Variants in PDE4D observed in about 807,000 individuals in gnomAD.
PDE4D encodes phosphodiesterase 4D.
In PDE4D, 24 loss-of-function variants were observed where a neutral mutation model predicts 87.4. The ratio of observed to expected loss-of-function variants is 0.27; its 90% CI spans 0.20 to 0.39. The LOEUF is 0.39. Ranked by LOEUF, PDE4D falls within the 10% of genes least tolerant of loss-of-function variation. PDE4D has a pLI of 1.00. For missense variants in PDE4D, 714 were observed against 1,041.0 expected (o/e 0.69, Z 4.32); for synonymous variants, 384 against 383.2 (o/e 1.00, Z -0.02).
chr5:59,550,221 C>A lies in PDE4D; in HGVS notation c.456-334253G>T, dbSNP rs541327775. 9.9e-4 allele frequency among the ~76,000 whole-genome samples: 150 copies of A among 151,926 alleles called. 1 individual carries two copies. The highest frequency in any genetic ancestry group is 3.0e-3 in the African/African-American group (124 of 41,436). ...AAAAATTATCCTTATGCATCAGTAT[C>A]CTATCATACACATTTACCTTGATAA... On this transcript the variant is annotated intron_variant, in intron 1 of 14. Transcript: ENST00000340635.
chr5:60,051,490 G>C (rs1770146698), intron 2 of PDE4D, among the ~76,000 whole-genome samples: 1 of 152,282 alleles, frequency 6.6e-6, no homozygotes, highest in Middle Eastern at 3.4e-3. Context: ...TGAAACCAGT[G>C]AGAACAAAGA....
At chr5:60,388,763 G>T (rs989458236) in intron 1 of PDE4D, among the ~76,000 whole-genome samples, 1 of 152,186 alleles carries the variant, frequency 6.6e-6, no homozygotes, top group African/African-American at 2.4e-5. Flanking sequence ...TCCGTTTCCT[G>T]AGGCCTAAAG....
intron 1 of PDE4D, among the ~76,000 whole-genome samples, chr5:60,351,793 A>G (rs1759221580): frequency 7.6e-6 from 1 of 132,424 alleles, no homozygotes; most frequent in African/African-American, 4.1e-5. Context: ...TTATTTATTT[A>G]TTTATTTATT....
intron 1 of PDE4D, among the ~76,000 whole-genome samples, chr5:59,246,360 G>A (rs1341099278): frequency 1.3e-5 from 2 of 151,976 alleles, no homozygotes; most frequent in Admixed American, 1.3e-4. Context: ...ATAAAAATGA[G>A]CTTGCCATTA....
intron 2 of PDE4D, among the ~76,000 whole-genome samples, chr5:60,049,481 C>G (rs1010762803): frequency 6.6e-6 from 1 of 152,184 alleles, no homozygotes; most frequent in African/African-American, 2.4e-5. Flanking sequence ...TCTGTTTTTT[C>G]CCCATTTTTG....
Position 59,824,832 on chromosome 5 carries a change from A to T in PDE4D, c.455+68336T>A, listed in dbSNP as rs983910775. ...AAATTCTCACTACAATGAGAAGCAG[A>T]TCTCCTCCAGGCACACTTGGACACA... On this transcript the variant is annotated intron_variant, in intron 1 of 14. Transcript: ENST00000340635. Among the ~76,000 whole-genome samples, 4 of 152,202 alleles carry T rather than the reference A, an allele frequency of 2.6e-5. No homozygotes were observed. In the South Asian group the frequency reaches 8.3e-4, roughly 32 times the overall value.
chr5:59,982,019 A>G (rs183547479), intron 3 of PDE4D, among the ~76,000 whole-genome samples: 2 of 152,334 alleles, frequency 1.3e-5, no homozygotes, highest in East Asian at 3.9e-4. Flanking sequence ...CTCTGTGAAT[A>G]GCACACAAAT....
At chr5:60,047,316 C>A (rs1582362041) in intron 2 of PDE4D, among the ~76,000 whole-genome samples, 1 of 151,956 alleles carries the variant, frequency 6.6e-6, no homozygotes, top group Non-Finnish European at 1.5e-5. Context: ...TTCAAAAAAC[C>A]AGCTCCTGGA....
At position 59,388,632 on chromosome 5, in the gene PDE4D, C is replaced by T. The variant is rs533529148; in HGVS notation, c.456-172664G>A. ...ATGGATAAAGAAAATGTGGTACACA[C>T]ACACACACACACACACTCACACACT... On this transcript the variant is annotated intron_variant, in intron 1 of 14. Coordinates refer to ENST00000340635, the MANE Select transcript of PDE4D (RefSeq NM_001104631.2). 1.6e-4 allele frequency among the ~76,000 whole-genome samples: 24 copies of T among 151,762 alleles called. No homozygotes were observed. The South Asian group carries it at 4.8e-3, about 30-fold the overall frequency.
chr5:59,863,386 T>C (rs1290115631), intron 1 of PDE4D, among the ~76,000 whole-genome samples: 2 of 152,182 alleles, frequency 1.3e-5, no homozygotes, highest in African/African-American at 2.4e-5. Flanking sequence ...TACTATTTTT[T>C]TTTCTAATTT....
intron 2 of PDE4D, among the ~76,000 whole-genome samples, chr5:60,177,319 A>C (rs1278895947): frequency 2.0e-5 from 3 of 152,152 alleles, no homozygotes; most frequent in African/African-American, 7.2e-5. Context: ...CTGTCATTGG[A>C]ATACAAAGCA....
At chr5:59,068,418 A>T (rs983643349) in intron 5 of PDE4D, among the ~76,000 whole-genome samples, 1 of 152,122 alleles carries the variant, frequency 6.6e-6, no homozygotes, top group African/African-American at 2.4e-5. Context: ...ATTTACTCAA[A>T]AATGTATATT....
At chr5:59,129,901 T>C (rs933550705) in intron 5 of PDE4D, among the ~76,000 whole-genome samples, 6 of 152,114 alleles carry the variant, frequency 3.9e-5, no homozygotes, top group African/African-American at 1.4e-4. Context: ...ATTGAAAGGG[T>C]TAGAGATGAT....
At chr5:59,441,245 C>T (rs1027953475) in intron 1 of PDE4D, among the ~76,000 whole-genome samples, 2 of 152,068 alleles carry the variant, frequency 1.3e-5, no homozygotes, top group Non-Finnish European at 1.5e-5. Context: ...CAGGTATGGG[C>T]CACTGCACAA....
chr5:59,731,306 C>A (rs907461713), intron 1 of PDE4D, among the ~76,000 whole-genome samples: 1 of 151,970 alleles, frequency 6.6e-6, no homozygotes, highest in African/African-American at 2.4e-5. Flanking sequence ...CTCTTCTTTA[C>A]CCTGGAATGA....
At chr5:59,586,604 G>C (rs562525900) in intron 1 of PDE4D, 3 of 1,298,990 alleles carry the variant, frequency 2.3e-6, no homozygotes, top group Admixed American at 7.5e-5. Flanking sequence ...AGCACTGCAG[G>C]TATGGGTCCA....
chr5:59,212,949 C>T (rs990568616), intron 2 of PDE4D, among the ~76,000 whole-genome samples: 5 of 151,672 alleles, frequency 3.3e-5, no homozygotes, highest in Non-Finnish European at 5.9e-5. Context: ...TCAAGCTGCC[C>T]CATCCCTCTC....
rs186843528 is a variant in PDE4D at position 60,468,098 on chromosome 5, T to A, written c.-90+19844A>T. ...TCCTCCCTCACTGGACAGTCCCCTTTTTCATCTCTAATACACATCCTAACT... is the reference window on the plus strand; with the variant it reads ...TCCTCCCTCACTGGACAGTCCCCTTATTCATCTCTAATACACATCCTAACT... On this transcript the variant is annotated intron_variant, in intron 1 of 16. Coordinates refer to the PDE4D transcript ENST00000502484. 4.1e-3 allele frequency among the ~76,000 whole-genome samples: 629 copies of A among 152,036 alleles called. 1 individual carries two copies. The highest frequency in any genetic ancestry group is 6.5e-3 in the Non-Finnish European group (441 of 67,998).
intron 2 of PDE4D, among the ~76,000 whole-genome samples, chr5:60,094,379 G>C (rs1013115969): frequency 6.6e-6 from 1 of 152,098 alleles, no homozygotes; most frequent in African/African-American, 2.4e-5. Flanking sequence ...ACACTGTAGA[G>C]AGACTTTAAG....
Sources: allele counts gnomAD v4.1 joint callset (sites outside exome capture counted in the v4.1 genomes callset), GRCh38; gene constraint gnomAD v4.1.1; transcripts MANE v1.5; gene names NCBI Gene and HGNC (gene_info 2026-07-23, HGNC 2026-07-21).